ESR1: variants seen among roughly 807,000 people sequenced by gnomAD.
ESR1 encodes the protein estrogen receptor.
A neutral mutation model predicts 52.7 loss-of-function variants in ESR1; 12 were observed. The observed-to-expected ratio is 0.23, with a 90% CI of 0.15 to 0.37. ESR1 has a LOEUF of 0.37. Among genes scored for constraint, ESR1 ranks in the 10% least tolerant of loss-of-function variants. ESR1 has a pLI of 1.00. For synonymous variants in ESR1, 305 were observed against 316.8 expected (o/e 0.96, Z 0.39); for missense variants, 584 against 779.7 (o/e 0.75, Z 2.99).
rs771681996 is a variant in ESR1, at chr6:151,944,211, C to G, written c.799C>G (p.His267Asp). The G allele has an allele frequency of 1.2e-6, 2 of 1,613,832 alleles. No individual in the cohort carries two copies. Among genetic ancestry groups the G allele is most frequent in the Non-Finnish European group, 8.5e-7 (1 of 1,180,016 alleles). The change falls in exon 4 of 8, where the codon CAC (histidine) becomes GAC (aspartate). Residue 267 changes from histidine to aspartate, a missense_variant. By Grantham distance (81) the His-to-Asp change is moderately conservative. Transcript: ENST00000206249. ...KDRRGGRMLK[H>D]KRQRDDGEGR... Reference sequence around the variant, plus strand: ...CCGAAGAGGAGGGAGAATGTTGAAACACAAGCGCCAGAGAGATGATGGGGA... The same window carrying G: ...CCGAAGAGGAGGGAGAATGTTGAAAGACAAGCGCCAGAGAGATGATGGGGA...
chr6:151,666,871 G>A (rs1777846523), intron 1 of ESR1, among the ~76,000 whole-genome samples: 2 of 152,090 alleles, frequency 1.3e-5, no homozygotes, highest in African/African-American at 2.4e-5. Flanking sequence ...AATAGTGGAA[G>A]GTTCTTAAGT....
chr6:151,825,266 G>A (rs1583491802), intron 1 of ESR1, among the ~76,000 whole-genome samples: 2 of 152,170 alleles, frequency 1.3e-5, no homozygotes, highest in Admixed American at 1.3e-4. Flanking sequence ...GAGATGGCAT[G>A]CTGCACAAGG....
At chr6:151,739,542 C>T (rs1204635329) in intron 2 of ESR1, among the ~76,000 whole-genome samples, 1 of 152,206 alleles carries the variant, frequency 6.6e-6, no homozygotes, top group Non-Finnish European at 1.5e-5. Flanking sequence ...AGAGCCATGA[C>T]TATAACCATT....
intron 6 of ESR1, among the ~76,000 whole-genome samples, chr6:152,088,097 AAATGT>A (rs1488987340): frequency 1.3e-5 from 2 of 152,224 alleles, no homozygotes; most frequent in East Asian, 3.8e-4. Flanking sequence ...ATATAATTAA[AAATGT>A]AATGTATTTT....
At chr6:151,883,563 T>C (rs1290354172) in intron 3 of ESR1, among the ~76,000 whole-genome samples, 3 of 152,006 alleles carry the variant, frequency 2.0e-5, no homozygotes, top group Admixed American at 6.6e-5. Flanking sequence ...TCCACCCTTA[T>C]GACCTCATTT....
chr6:151,719,077 T>G (rs1583006153), intron 2 of ESR1, among the ~76,000 whole-genome samples: 1 of 152,290 alleles, frequency 6.6e-6, no homozygotes, highest in East Asian at 1.9e-4. Flanking sequence ...ATAGCATCCA[T>G]TCAACCAAAA....
chr6:151,934,139 C>T (rs2034065984), intron 3 of ESR1, among the ~76,000 whole-genome samples: 1 of 152,180 alleles, frequency 6.6e-6, no homozygotes, highest in Admixed American at 6.5e-5. Flanking sequence ...TGGTCTTTGG[C>T]TCTTACTAGA....
intron 3 of ESR1, among the ~76,000 whole-genome samples, chr6:151,930,229 C>T (rs1201332556): frequency 1.3e-5 from 2 of 152,136 alleles, no homozygotes; most frequent in African/African-American, 4.8e-5. Flanking sequence ...AGGTGATCCA[C>T]CGGCCTCTGC....
chr6:151,944,369 G>A lies in ESR1; in HGVS notation c.957G>A (p.Leu319=), dbSNP rs2128528297. Reference sequence around the variant, plus strand: ...CGGCCGACCAGATGGTCAGTGCCTTGTTGGATGCTGAGCCCCCGATACTCT... The same window carrying A: ...CGGCCGACCAGATGGTCAGTGCCTTATTGGATGCTGAGCCCCCGATACTCT... ...SLTADQMVSA[L]LDAEPPILYS... Residue 319 remains leucine (L), a synonymous_variant, in exon 4 of 8, where the codon TTG becomes TTA. Transcript: ENST00000206249. 1 of 1,613,998 alleles carries A rather than the reference G, an allele frequency of 6.2e-7. No homozygotes were observed. Among genetic ancestry groups the A allele is most frequent in the Non-Finnish European group, 8.5e-7 (1 of 1,179,934 alleles).
At chr6:151,931,593 C>T in intron 3 of ESR1, among the ~76,000 whole-genome samples, 1 of 111,312 alleles carries the variant, frequency 9.0e-6, no homozygotes, top group Non-Finnish European at 1.8e-5. Flanking sequence ...CCAATGCTAT[C>T]CCTCCCCCCT....
chr6:151,956,930 G>A (rs997321923), intron 4 of ESR1, among the ~76,000 whole-genome samples: 4 of 148,742 alleles, frequency 2.7e-5, no homozygotes, highest in Non-Finnish European at 5.9e-5. Flanking sequence ...AGGCTGGAGT[G>A]CAGTGGCATG....
In ESR1 at chr6:152,101,189, A is replaced by G. The variant is rs2050954357; in HGVS notation, c.*2223A>G. On this transcript the variant is annotated 3_prime_UTR_variant, in exon 8 of 8. Coordinates refer to ENST00000206249, the MANE Select transcript of ESR1 (RefSeq NM_000125.4). ...CAAAATAGCACTAATCCAGATGCCTATTGTTGGATACTGAATGACAGACAA... is the reference window on the plus strand; with the variant it reads ...CAAAATAGCACTAATCCAGATGCCTGTTGTTGGATACTGAATGACAGACAA... 4.3e-6 allele frequency: 1 copy of G among 231,826 alleles called. No homozygotes were observed. Among genetic ancestry groups the G allele is most frequent in the African/African-American group, 2.2e-5 (1 of 45,232 alleles). The allele number at this position is 231,826 out of a possible 1,614,324, so 14.4% of individuals were successfully genotyped here. A position where few individuals can be genotyped will look rare whatever the true frequency, so the allele number is the denominator to read the frequency against.
intron 2 of ESR1, among the ~76,000 whole-genome samples, chr6:151,776,586 C>T (rs1786014574): frequency 6.6e-6 from 1 of 152,162 alleles, no homozygotes; most frequent in African/African-American, 2.4e-5. Flanking sequence ...GCCTGTAATC[C>T]CAGCACTTTG....
intron 2 of ESR1, among the ~76,000 whole-genome samples, chr6:151,728,414 A>G (rs1045696716): frequency 2.0e-5 from 3 of 152,244 alleles, no homozygotes; most frequent in African/African-American, 7.2e-5. Context: ...TGTCTATCAG[A>G]AAGTTTTTCA....
In ESR1 at chr6:152,124,221, G is replaced by A. The variant is rs563898415; in HGVS notation, c.851-1045G>A. ...CTTGGGAGGCTGAGGCAGGAGAATC[G>A]CTTGAACCCGGGAGGCGGAGGCTGC... is the stretch of plus-strand genomic sequence containing the variant. On this transcript the variant is annotated intron_variant, in intron 6 of 6. Coordinates refer to the ESR1 transcript ENST00000427531. 2.4e-3 allele frequency among the ~76,000 whole-genome samples: 367 copies of A among 152,234 alleles called. 1 individual carries two copies. Among genetic ancestry groups the A allele is most frequent in the Admixed American group, 9.3e-3 (142 of 15,286 alleles).
At chr6:151,880,480 C>T (rs936071406) in intron 2 of ESR1, among the ~76,000 whole-genome samples, 175 bp from the exon 3 acceptor site, 3 of 152,080 alleles carry the variant, frequency 2.0e-5, no homozygotes, top group African/African-American at 7.2e-5. Context: ...CGTGCCCGGC[C>T]CATGAGAGGT....
intron 1 of ESR1, among the ~76,000 whole-genome samples, chr6:151,835,329 G>A (rs1451836957): frequency 6.6e-6 from 1 of 152,188 alleles, no homozygotes; most frequent in South Asian, 2.1e-4. Flanking sequence ...GGGGAGGGGT[G>A]TGGGACAGCA....
intron 4 of ESR1, chr6:151,983,605 C>G (rs1358983335): frequency 6.6e-6 from 1 of 152,030 alleles, no homozygotes; most frequent in Admixed American, 6.5e-5. Context: ...GGAAAAAAAG[C>G]TTTTTTAAAA....
chr6:151,977,661 G>A (rs1206637327), intron 4 of ESR1, among the ~76,000 whole-genome samples: 1 of 151,940 alleles, frequency 6.6e-6, no homozygotes, highest in African/African-American at 2.4e-5. Flanking sequence ...CTAGAGTGGT[G>A]GTGGGTGCCT....
Sources: allele counts gnomAD v4.1 joint callset (sites outside exome capture counted in the v4.1 genomes callset), GRCh38; gene constraint gnomAD v4.1.1; transcripts MANE v1.5; gene names NCBI Gene and HGNC (gene_info 2026-07-23, HGNC 2026-07-21).